SEPTIN9: variants seen among roughly 807,000 people sequenced by gnomAD.
SEPTIN9 encodes the protein septin-9.
SEPTIN9 carries 13 observed loss-of-function variants against 56.6 expected under a neutral mutation model. That is an observed-to-expected ratio of 0.23 (90% CI 0.15 to 0.37). The LOEUF (loss-of-function observed/expected upper bound fraction) is 0.37. Among genes scored for constraint, SEPTIN9 ranks in the 10% least tolerant of loss-of-function variants. SEPTIN9 has a pLI of 1.00. For missense variants in SEPTIN9, 650 were observed against 823.1 expected (o/e 0.79, Z 2.57); for synonymous variants, 332 against 334.1 (o/e 0.99, Z 0.07).
intron 2 of SEPTIN9, among the ~76,000 whole-genome samples, chr17:77,370,208 G>C (rs1446890133): frequency 6.6e-6 from 1 of 152,212 alleles, no homozygotes; most frequent in East Asian, 1.9e-4. Context: ...CAGTTCTGGA[G>C]GCCAGAAGTC....
intron 3 of SEPTIN9, among the ~76,000 whole-genome samples, chr17:77,470,096 C>T (rs1475995927): frequency 4.6e-5 from 7 of 151,398 alleles, no homozygotes; most frequent in Non-Finnish European, 8.8e-5. Flanking sequence ...TCCACTCATC[C>T]ACCCATCCAC....
chr17:77,309,256 G>A (rs1282836406), intron 2 of SEPTIN9, among the ~76,000 whole-genome samples: 1 of 152,270 alleles, frequency 6.6e-6, no homozygotes, highest in Non-Finnish European at 1.5e-5. Flanking sequence ...TCAGCACTTG[G>A]CAGCCACGAT....
chr17:77,387,502 G>A (rs974172818), intron 2 of SEPTIN9, among the ~76,000 whole-genome samples: 1 of 152,168 alleles, frequency 6.6e-6, no homozygotes, highest in Non-Finnish European at 1.5e-5. Context: ...AGTCCACTGC[G>A]GCAGCTGATC....
chr17:77,436,134 G>A lies in SEPTIN9; in HGVS notation c.721+33431G>A, dbSNP rs1162406922. ...CCTTTCCACCCTGCGGGCCTGGTTG[G>A]GGAGTGTGAGGATGCCTGCTGGAAG... On this transcript the variant is annotated intron_variant, in intron 3 of 11. Transcript: ENST00000427177. The surrounding 1 kb of genome is among the most constrained non-coding windows in gnomAD (Gnocchi z 4.4). 6.6e-6 allele frequency among the ~76,000 whole-genome samples: 1 copy of A among 152,180 alleles called. No homozygotes were observed. The highest frequency in any genetic ancestry group is 1.5e-5 in the Non-Finnish European group (1 of 68,038).
chr17:77,488,073 C>T (rs2039870744), intron 5 of SEPTIN9, among the ~76,000 whole-genome samples, 167 bp from the exon 6 acceptor site: 2 of 152,194 alleles, frequency 1.3e-5, no homozygotes, highest in Non-Finnish European at 1.5e-5. Context: ...CCCAGGGGAA[C>T]CGTCACCGGC....
chr17:77,359,477 G>A (rs1042496747), intron 2 of SEPTIN9, among the ~76,000 whole-genome samples: 1 of 152,224 alleles, frequency 6.6e-6, no homozygotes, highest in Non-Finnish European at 1.5e-5. Flanking sequence ...TCATCCTGGA[G>A]CTGGAACAGA....
Position 77,499,389 on chromosome 17 carries a change from CG to C in SEPTIN9, c.*732del. 5.5e-6 allele frequency: 3 copies of C among 549,138 alleles called. No individual in the cohort carries two copies. Among genetic ancestry groups the C allele is most frequent in the Non-Finnish European group, 1.1e-5 (3 of 283,850 alleles). 34.0% of individuals were successfully genotyped at this position (549,138 alleles called of 1,614,324 possible). A position where few individuals can be genotyped will look rare whatever the true frequency, so the allele number is the denominator to read the frequency against. On this transcript the variant is annotated 3_prime_UTR_variant, in exon 12 of 12. Coordinates refer to ENST00000427177, the MANE Select transcript of SEPTIN9 (RefSeq NM_001113491.2). ...TGCCATCCCCCTCTCACGCCACCCC[CG>C]CCCCCACCGGGCTGCAGGTGCTGCT...
At chr17:77,293,463 A>C (rs530888427) in intron 1 of SEPTIN9, among the ~76,000 whole-genome samples, 2 of 152,220 alleles carry the variant, frequency 1.3e-5, no homozygotes, top group South Asian at 4.1e-4. Flanking sequence ...TGCCTGGTCC[A>C]CTTGAGCATT....
At chr17:77,491,584 G>C (rs75712149) in intron 8 of SEPTIN9, among the ~76,000 whole-genome samples, 1 of 151,288 alleles carries the variant, frequency 6.6e-6, no homozygotes, top group African/African-American at 2.4e-5. Context: ...AGGCCGAGGC[G>C]GGCAGATCAC....
chr17:77,329,577 C>T lies in SEPTIN9; in HGVS notation c.76+22380C>T, dbSNP rs566816002. ...AGCTGGGGTGTTGGAGGAGGAAGCA[C>T]GCTCATCCCTCGTTCCTTCCTGTTT... On this transcript the variant is annotated intron_variant, in intron 2 of 11. Coordinates refer to ENST00000427177, the MANE Select transcript of SEPTIN9 (RefSeq NM_001113491.2). This position sits in a 1 kb window ranked among gnomAD's most constrained non-coding sequence, Gnocchi z 4.3. Among the ~76,000 whole-genome samples the T allele has an allele frequency of 2.6e-5, 4 of 152,210 alleles. No individual in the cohort carries two copies. Among genetic ancestry groups the T allele is most frequent in the South Asian group, 4.1e-4 (2 of 4,824 alleles).
intron 2 of SEPTIN9, among the ~76,000 whole-genome samples, chr17:77,325,805 G>C (rs2143682187): frequency 6.6e-6 from 1 of 152,250 alleles, no homozygotes; most frequent in East Asian, 1.9e-4. Flanking sequence ...CACCCCTCAT[G>C]ATCTGGACAC....
chr17:77,378,574 G>A (rs2035018826), intron 2 of SEPTIN9, among the ~76,000 whole-genome samples: 1 of 152,190 alleles, frequency 6.6e-6, no homozygotes, highest in African/African-American at 2.4e-5. Flanking sequence ...ATCTGGGGAT[G>A]GGAGGTCTCA....
Position 77,437,746 on chromosome 17 carries a change from G to A in SEPTIN9, c.721+35043G>A, listed in dbSNP as rs1013423263. On this transcript the variant is annotated intron_variant, in intron 3 of 11. Transcript: ENST00000427177. The surrounding 1 kb of genome is among the most constrained non-coding windows in gnomAD (Gnocchi z 5.3). Reference sequence around the variant, plus strand: ...GTGGCCTGGGAGAATCATCTGTCACGAGCCAAGGATGGAGTTTCTGGGGAG... The same window carrying A: ...GTGGCCTGGGAGAATCATCTGTCACAAGCCAAGGATGGAGTTTCTGGGGAG... Among the ~76,000 whole-genome samples, 1 of 152,130 alleles carries A rather than the reference G, an allele frequency of 6.6e-6. No homozygotes were observed.
At chr17:77,368,388 T>G (rs1031158811) in intron 2 of SEPTIN9, among the ~76,000 whole-genome samples, 1 of 151,892 alleles carries the variant, frequency 6.6e-6, no homozygotes, top group Non-Finnish European at 1.5e-5. Context: ...CTTGGCTCAC[T>G]GTAACCTCCG....
intron 1 of SEPTIN9, among the ~76,000 whole-genome samples, chr17:77,293,241 A>G (rs1267151502): frequency 2.6e-5 from 4 of 151,868 alleles, no homozygotes; most frequent in Non-Finnish European, 5.9e-5. Flanking sequence ...CTGGTCCTGA[A>G]CTCCCAACCT....
chr17:77,297,279 G>T (rs2031861777), intron 1 of SEPTIN9, among the ~76,000 whole-genome samples: 1 of 152,156 alleles, frequency 6.6e-6, no homozygotes, highest in Non-Finnish European at 1.5e-5. Flanking sequence ...GGAGAACTGG[G>T]AGTTCTAAGT....
At chr17:77,385,183 T>G (rs1442935630) in intron 2 of SEPTIN9, among the ~76,000 whole-genome samples, 1 of 112,660 alleles carries the variant, frequency 8.9e-6, no homozygotes, top group African/African-American at 3.6e-5. Flanking sequence ...TTTTTTTTTT[T>G]GACAGAGTTT....
chr17:77,359,990 T>C (rs529901829), intron 2 of SEPTIN9, among the ~76,000 whole-genome samples: 1 of 152,118 alleles, frequency 6.6e-6, no homozygotes, highest in South Asian at 2.1e-4. Context: ...CAGCCCCATC[T>C]GTACTACAAA....
chr17:77,381,842 C>T (rs2035155482), intron 2 of SEPTIN9, among the ~76,000 whole-genome samples: 1 of 152,098 alleles, frequency 6.6e-6, no homozygotes, highest in Admixed American at 6.5e-5. Flanking sequence ...AACAGCCATC[C>T]ATGGGTACCC....
Sources: allele counts gnomAD v4.1 joint callset (sites outside exome capture counted in the v4.1 genomes callset), GRCh38; gene constraint gnomAD v4.1.1; non-coding constraint Gnocchi (gnomAD v3.1); transcripts MANE v1.5; gene names NCBI Gene and HGNC (gene_info 2026-07-23, HGNC 2026-07-21).